Variants in R3HDM2 observed in about 807,000 individuals in gnomAD.
R3HDM2 encodes R3H domain-containing protein 2.
Under a neutral mutation model 124.5 loss-of-function variants are expected in R3HDM2, and 38 were observed. That is an observed-to-expected ratio of 0.31 (90% CI 0.24 to 0.40). R3HDM2 has a LOEUF of 0.40. R3HDM2 is among the 10% of genes least tolerant of loss of function. The probability of loss-of-function intolerance (pLI) is 1.00; values close to 1 mark genes in which losing one functional copy is unlikely to be tolerated. For missense variants in R3HDM2, 869 were observed against 1,236.9 expected, an observed-to-expected ratio of 0.70 and a Z score of 4.46; for synonymous variants, 391 against 448.0, an observed-to-expected ratio of 0.87 and a Z score of 1.61.
Position 57,280,384 on chromosome 12 carries a change from G to T in R3HDM2, c.1318C>A (p.Pro440Thr). The change falls in exon 14 of 24, where the codon CCC becomes ACC. Residue 440 changes from proline to threonine, a missense_variant. Physicochemically the swap from Pro to Thr is conservative, Grantham distance 38. Around this residue, in one of 2 missense-constraint regions of R3HDM2, gnomAD observed 602 missense variants for 789.2 expected, o/e 0.76. Coordinates refer to ENST00000402412, the MANE Select transcript of R3HDM2 (RefSeq NM_001394031.1). ...TGTGAGATCATGTGATTATTCAAGG[G>T]TGGCTGTTGCTGAGGCGTGGGTGGG... ...ALPPTPQQQPPLNNHMISQAD... is the reference protein window; with the variant it reads ...ALPPTPQQQPTLNNHMISQAD... 1 of 1,613,998 alleles carries T rather than the reference G, an allele frequency of 6.2e-7. No homozygotes were observed. Among genetic ancestry groups the T allele is most frequent in the Non-Finnish European group, 8.5e-7 (1 of 1,179,914 alleles).
intron 1 of R3HDM2, among the ~76,000 whole-genome samples, chr12:57,402,611 A>G (rs944412156): frequency 1.3e-5 from 2 of 152,190 alleles, no homozygotes; most frequent in East Asian, 3.9e-4. Context: ...TCTACTAAAA[A>G]TACAAAAATT....
In R3HDM2 at chr12:57,430,734, G is replaced by T; in HGVS notation, c.-120C>A. 3.9e-6 allele frequency: 1 copy of T among 259,086 alleles called. No homozygotes were observed. The highest frequency in any genetic ancestry group is 6.0e-6 in the Non-Finnish European group (1 of 167,570). 16.0% of individuals were successfully genotyped at this position (259,086 alleles called of 1,614,324 possible). A position where few individuals can be genotyped will look rare whatever the true frequency, so the allele number is the denominator to read the frequency against. On this transcript the variant is annotated 5_prime_UTR_variant, in exon 1 of 24. Transcript: ENST00000402412. Reference sequence around the variant, plus strand: ...GGTGGCCTCACCTCGCACGGGCCTTGGCGGGGAGGGCGCCCACGTCTCCGC... The same window carrying T: ...GGTGGCCTCACCTCGCACGGGCCTTTGCGGGGAGGGCGCCCACGTCTCCGC...
At chr12:57,324,085 T>C (rs1472554745) in intron 2 of R3HDM2, among the ~76,000 whole-genome samples, 1 of 152,200 alleles carries the variant, frequency 6.6e-6, no homozygotes, top group Non-Finnish European at 1.5e-5. Flanking sequence ...ACTCTCAGGA[T>C]GCCTTCCATT....
intron 16 of R3HDM2, 34 bp from the exon 17 acceptor site, chr12:57,269,116 T>G: frequency 6.2e-7 from 1 of 1,611,196 alleles, no homozygotes; most frequent in Non-Finnish European, 8.5e-7. Flanking sequence ...TACATTAGTA[T>G]GAATGTTTAG....
intron 2 of R3HDM2, among the ~76,000 whole-genome samples, chr12:57,331,411 G>A (rs895278268): frequency 3.9e-5 from 6 of 152,030 alleles, no homozygotes; most frequent in Middle Eastern, 3.4e-3. Flanking sequence ...TATTTTTCTC[G>A]TCGTTTATCA....
At chr12:57,312,553 G>A (rs1371371667) in intron 2 of R3HDM2, among the ~76,000 whole-genome samples, 1 of 152,058 alleles carries the variant, frequency 6.6e-6, no homozygotes, top group Non-Finnish European at 1.5e-5. Context: ...GAGGGCCAGA[G>A]AGTCATTCAC....
chr12:57,348,693 C>CA (rs1168127324), intron 2 of R3HDM2, among the ~76,000 whole-genome samples: 5,378 of 24,900 alleles, frequency 0.22, 352 homozygotes, highest in Admixed American at 0.33. Flanking sequence ...GACTCCGTCT[C>CA]AAAAAAAAAA....
intron 13 of R3HDM2, among the ~76,000 whole-genome samples, chr12:57,283,476 C>T (rs1031042866): frequency 2.4e-4 from 36 of 152,274 alleles, no homozygotes; most frequent in African/African-American, 7.9e-4. Context: ...TGGTGACTCA[C>T]GCCTGTAATC....
Position 57,399,105 on chromosome 12 carries a change from C to T in R3HDM2, c.-105-3287G>A, listed in dbSNP as rs79469513. ...GAACTCAGCCATCTGACTACTGAAG[C>T]GTTCTATAAACCTTTAGGCCAGGCA... is the stretch of plus-strand genomic sequence containing the variant. On this transcript the variant is annotated intron_variant, in intron 1 of 23. Coordinates refer to ENST00000402412, the MANE Select transcript of R3HDM2 (RefSeq NM_001394031.1). 2.2e-3 allele frequency among the ~76,000 whole-genome samples: 335 copies of T among 152,214 alleles called. 2 individuals carry two copies. The highest frequency in any genetic ancestry group is 7.2e-3 in the African/African-American group (298 of 41,544).
chr12:57,343,478 C>T (rs2059790595), intron 2 of R3HDM2, among the ~76,000 whole-genome samples: 1 of 151,872 alleles, frequency 6.6e-6, no homozygotes, highest in South Asian at 2.1e-4. Context: ...CGTGAGCCAC[C>T]GAGCCTAGCC....
chr12:57,265,339 AC>A (rs910998853), intron 19 of R3HDM2, among the ~76,000 whole-genome samples: 13 of 152,204 alleles, frequency 8.5e-5, no homozygotes, highest in African/African-American at 3.1e-4. Flanking sequence ...TGAGCACACA[AC>A]AAAAGCTGCT....
intron 3 of R3HDM2, among the ~76,000 whole-genome samples, chr12:57,308,085 C>T (rs11172152): frequency 0.37 from 53,523 of 144,836 alleles, 11,213 homozygotes; most frequent in Middle Eastern, 0.74. Context: ...CTTGGAGTCT[C>T]GCTCTGTCAC....
intron 1 of R3HDM2, among the ~76,000 whole-genome samples, chr12:57,412,523 C>G (rs1009342616): frequency 1.3e-5 from 2 of 152,036 alleles, no homozygotes; most frequent in Non-Finnish European, 2.9e-5. Context: ...GCCTGGGCAA[C>G]AGAGTGAGAT....
intron 11 of R3HDM2, among the ~76,000 whole-genome samples, chr12:57,289,308 G>A (rs2048094912): frequency 6.6e-6 from 1 of 152,182 alleles, no homozygotes; most frequent in Non-Finnish European, 1.5e-5. Flanking sequence ...GTGAAAAGGA[G>A]GAAGAGGAAA....
intron 2 of R3HDM2, among the ~76,000 whole-genome samples, chr12:57,353,389 AAATT>A (rs1566299728): frequency 6.6e-6 from 1 of 152,192 alleles, no homozygotes; most frequent in East Asian, 1.9e-4. Context: ...AGGAAAATAC[AAATT>A]AAAACCAAAA....
At chr12:57,422,093 CAAAAAAAAA>C (rs35439340) in intron 1 of R3HDM2, among the ~76,000 whole-genome samples, 17 of 74,390 alleles carry the variant, frequency 2.3e-4, no homozygotes, top group Admixed American at 5.1e-4. Flanking sequence ...CTCCGCCTAG[CAAAAAAAAA>C]AAAAAAAAAA....
intron 2 of R3HDM2, among the ~76,000 whole-genome samples, chr12:57,377,033 G>A (rs565976174): frequency 1.3e-5 from 2 of 148,324 alleles, no homozygotes; most frequent in Admixed American, 6.8e-5. Context: ...TTGTTTTTTC[G>A]CTCTTTGCAA....
intron 14 of R3HDM2, among the ~76,000 whole-genome samples, chr12:57,271,112 C>T (rs2043500635): frequency 1.3e-5 from 2 of 152,214 alleles, no homozygotes; most frequent in Admixed American, 6.5e-5. Context: ...GCCTTCACAG[C>T]TCTGCCTATG....
At chr12:57,278,893 CT>C in intron 14 of R3HDM2, among the ~76,000 whole-genome samples, 1 of 152,280 alleles carries the variant, frequency 6.6e-6, no homozygotes, top group South Asian at 2.1e-4. Context: ...TCTTTGCACT[CT>C]AGTTTCTAGT....
Sources: gnomAD v4.1 joint callset for allele counts (sites outside exome capture counted in the v4.1 genomes callset) on GRCh38, gnomAD v4.1.1 for gene constraint, gnomAD v4.1.1 regional missense constraint, MANE v1.5 for transcripts, NCBI Gene and HGNC (gene_info 2026-07-23, HGNC 2026-07-21) for gene names.